The following LONRF1 variants were observed in gnomAD, a reference collection of about 807,000 sequenced individuals.
The protein encoded by LONRF1 is LON peptidase N-terminal domain and ring finger 1.
A neutral mutation model predicts 85.8 loss-of-function variants in LONRF1; 37 were observed. That is an observed-to-expected ratio of 0.43 (90% CI 0.33 to 0.57). The LOEUF (loss-of-function observed/expected upper bound fraction) is 0.57, where lower values mean the gene tolerates loss of function less well. Among genes scored for constraint, LONRF1 ranks in the 20% least tolerant of loss-of-function variants. The probability of loss-of-function intolerance (pLI) is 0.04; values close to 1 mark genes in which losing one functional copy is unlikely to be tolerated. For synonymous variants in LONRF1, 517 were observed against 390.1 expected, an observed-to-expected ratio of 1.33 and a Z score of -3.83; for missense variants, 1,036 against 978.0, an observed-to-expected ratio of 1.06 and a Z score of -0.79.
In LONRF1 at chr8:12,725,589, T is replaced by C. The variant is rs182210944; in HGVS notation, c.2163+138A>G. ...TCTAGAGAACTCATGATTGCAAAGA[T>C]GAGGTGGGGCTGGTGCGGGGGAGGG... On this transcript the variant is annotated intron_variant, in intron 11 of 11. Coordinates refer to ENST00000398246, the MANE Select transcript of LONRF1 (RefSeq NM_152271.5). The C allele has an allele frequency of 3.8e-4, 282 of 743,032 alleles. No homozygotes were observed. The African/African-American group carries it at 4.5e-3, about 12-fold the overall frequency. 46.0% of individuals were successfully genotyped at this position (743,032 alleles called of 1,614,324 possible). A position where few individuals can be genotyped will look rare whatever the true frequency, so the allele number is the denominator to read the frequency against.
chr8:12,727,466 T>C (rs1323763568), intron 10 of LONRF1, among the ~76,000 whole-genome samples: 1 of 36,614 alleles, frequency 2.7e-5, no homozygotes, highest in Non-Finnish European at 5.8e-5. Context: ...AAAATCATTA[T>C]ATAGATGAAG....
intron 1 of LONRF1, among the ~76,000 whole-genome samples, chr8:12,752,184 A>C (rs1039284253): frequency 6.6e-6 from 1 of 152,072 alleles, no homozygotes; most frequent in Non-Finnish European, 1.5e-5. Context: ...TATCAACAAT[A>C]ATGACAAGAT....
At chr8:12,724,056 TG>T (rs1213582661) in intron 11 of LONRF1, among the ~76,000 whole-genome samples, 1 of 152,246 alleles carries the variant, frequency 6.6e-6, no homozygotes, top group African/African-American at 2.4e-5. Context: ...ACATCAGTGC[TG>T]ATCTCAGTAG....
chr8:12,737,154 A>G lies in LONRF1; in HGVS notation c.1114-14T>C, dbSNP rs1798751974. 1 of 1,607,800 alleles carries G rather than the reference A, an allele frequency of 6.2e-7. No homozygotes were observed. Among genetic ancestry groups the G allele is most frequent in the Admixed American group, 1.7e-5 (1 of 58,796 alleles). ...TATTTCTTCACTCTACAAAAATACAATAAACAAAGGTAACTGTATTTCTTT... is the reference window on the plus strand; with the variant it reads ...TATTTCTTCACTCTACAAAAATACAGTAAACAAAGGTAACTGTATTTCTTT... On this transcript the variant is annotated splice_polypyrimidine_tract_variant and intron_variant, in intron 4 of 11. Coordinates refer to ENST00000398246, the MANE Select transcript of LONRF1 (RefSeq NM_152271.5).
At position 12,721,946 on chromosome 8, in the gene LONRF1, A is replaced by G. The variant is rs1265200953; in HGVS notation, c.*1150T>C. ...TTTTATTCAAAATTAAATAAGCAAA[A>G]GCAAAAATTTTAAGAAACTTTTACA... On this transcript the variant is annotated 3_prime_UTR_variant, in exon 12 of 12. Transcript: ENST00000398246. 1 of 152,564 alleles carries G rather than the reference A, an allele frequency of 6.6e-6. No individual in the cohort carries two copies. Among genetic ancestry groups the G allele is most frequent in the Non-Finnish European group, 1.5e-5 (1 of 68,030 alleles). The allele number at this position is 152,564 out of a possible 1,614,324, so 9.5% of individuals were successfully genotyped here.
chr8:12,732,912 C>A (rs1176434479), intron 7 of LONRF1, among the ~76,000 whole-genome samples: 2 of 152,130 alleles, frequency 1.3e-5, no homozygotes, highest in African/African-American at 4.8e-5. Context: ...ATGAAGCCAT[C>A]CTTGAATCTG....
rs888176915 is a variant in LONRF1, at chr8:12,755,042, G to C, written c.379C>G (p.Arg127Gly). 1.3e-6 allele frequency: 2 copies of C among 1,487,720 alleles called. No individual in the cohort carries two copies. Among genetic ancestry groups the C allele is most frequent in the Non-Finnish European group, 1.8e-6 (2 of 1,125,492 alleles). The allele number at this position is 1,487,720 out of a possible 1,614,324, so 92.2% of individuals were successfully genotyped here. A position where few individuals can be genotyped will look rare whatever the true frequency, so the allele number is the denominator to read the frequency against. Residue 127 changes from arginine (R) to glycine (G), a missense_variant, in exon 1 of 12, where the codon CGG (arginine) becomes GGG (glycine). Transcript: ENST00000398246. ...GTCACCGGCTCGCTCAGGAAGCCCC[G>C]GCAGCCCAGGCATCTGAGGAGCCCG... ...AGGLLRCLGC[R>G]GFLSEPVTVP... is the part of the protein sequence containing the mutation.
intron 1 of LONRF1, among the ~76,000 whole-genome samples, chr8:12,750,708 T>G (rs1259179499): frequency 3.3e-5 from 5 of 152,236 alleles, no homozygotes; most frequent in Non-Finnish European, 7.3e-5. Context: ...GATCTTCTGA[T>G]AGCTAAAGCT....
intron 3 of LONRF1, chr8:12,738,712 G>A (rs1798816827): frequency 6.6e-6 from 1 of 152,290 alleles, no homozygotes; most frequent in Non-Finnish European, 1.5e-5. Flanking sequence ...GAGGAAATAA[G>A]CTGGGAGACA....
intron 1 of LONRF1, among the ~76,000 whole-genome samples, chr8:12,743,815 T>C (rs1451131997): frequency 6.6e-6 from 1 of 151,726 alleles, no homozygotes; most frequent in East Asian, 1.9e-4. Flanking sequence ...GAGTCAGCTT[T>C]TAAGAGATCG....
chr8:12,724,026 G>A (rs1450702551), intron 11 of LONRF1, among the ~76,000 whole-genome samples: 3 of 152,130 alleles, frequency 2.0e-5, no homozygotes, highest in African/African-American at 7.2e-5. Context: ...TAAAGCTTCA[G>A]AATGACAAAA....
At chr8:12,741,106 G>C in intron 2 of LONRF1, 110 bp from the exon 3 acceptor site, 3 of 1,165,998 alleles carry the variant, frequency 2.6e-6, no homozygotes, top group Non-Finnish European at 3.6e-6. Context: ...ATTCTGGGCC[G>C]GGTGCAGTAG....
rs1320347227 is a variant in LONRF1, at chr8:12,738,151, G to T, written c.964-7C>A. On this transcript the variant is annotated splice_polypyrimidine_tract_variant and splice_region_variant and intron_variant, in intron 3 of 11. Coordinates refer to ENST00000398246, the MANE Select transcript of LONRF1 (RefSeq NM_152271.5). ...ATAATAAATCACATAAAATCTGTAA[G>T]AGAAATATTAAAAGTAGTAGAAAAT... The T allele has an allele frequency of 6.7e-7, 1 of 1,489,714 alleles. No individual in the cohort carries two copies. The highest frequency in any genetic ancestry group is 2.0e-5 in the Admixed American group (1 of 49,478). The allele number at this position is 1,489,714 out of a possible 1,614,324, so 92.3% of individuals were successfully genotyped here. A position where few individuals can be genotyped will look rare whatever the true frequency, so the allele number is the denominator to read the frequency against.
intron 7 of LONRF1, 85 bp downstream of exon 7, chr8:12,735,201 T>G: frequency 2.4e-6 from 2 of 824,162 alleles, no homozygotes; most frequent in Non-Finnish European, 4.0e-6. Flanking sequence ...CTGAACGTGA[T>G]CATCACTATT....
intron 1 of LONRF1, among the ~76,000 whole-genome samples, chr8:12,746,811 A>T (rs1799175686): frequency 6.6e-6 from 1 of 152,192 alleles, no homozygotes; most frequent in South Asian, 2.1e-4. Flanking sequence ...TCAGGAAGCC[A>T]GCTCCAGAGT....
At chr8:12,737,268 T>A in intron 4 of LONRF1, 128 bp from the exon 5 acceptor site, 1 of 1,124,594 alleles carries the variant, frequency 8.9e-7, no homozygotes, top group Non-Finnish European at 1.3e-6. Flanking sequence ...TTAATAGCAC[T>A]AACTTGATTC....
intron 3 of LONRF1, among the ~76,000 whole-genome samples, chr8:12,739,374 A>G (rs1798842939): frequency 6.6e-6 from 1 of 151,864 alleles, no homozygotes; most frequent in South Asian, 2.1e-4. Flanking sequence ...CCCAGACACA[A>G]AACAGTATAT....
intron 6 of LONRF1, chr8:12,735,656 C>G: frequency 2.7e-6 from 1 of 372,464 alleles, no homozygotes; most frequent in Non-Finnish European, 4.9e-6. Context: ...GCAACAGCCC[C>G]TGGACACTAT....
In LONRF1 at chr8:12,729,073, A is replaced by G. The variant is rs1462404250; in HGVS notation, c.1848-10T>C. ...ACCATAATCTGCAAAACTAAAAGAA[A>G]ACCTTGATTAGTAACAAAGTTGAAA... On this transcript the variant is annotated splice_polypyrimidine_tract_variant and intron_variant, in intron 9 of 11. Transcript: ENST00000398246. 6.2e-7 allele frequency: 1 copy of G among 1,613,218 alleles called. No homozygotes were observed. The highest frequency in any genetic ancestry group is 1.7e-5 in the Admixed American group (1 of 59,884).
Sources: gnomAD v4.1 joint callset for allele counts (sites outside exome capture counted in the v4.1 genomes callset) on GRCh38, gnomAD v4.1.1 for gene constraint, MANE v1.5 for transcripts, NCBI Gene and HGNC (gene_info 2026-07-23, HGNC 2026-07-21) for gene names.